The following WHRN variants were observed in gnomAD, a reference collection of about 807,000 sequenced individuals.
WHRN encodes whirlin, also known as CASK-interacting protein CIP98.
WHRN carries 41 observed loss-of-function variants against 68.3 expected under a neutral mutation model. The observed-to-expected ratio is 0.60, with a 90% confidence interval of 0.47 to 0.78. The LOEUF (loss-of-function observed/expected upper bound fraction) is 0.78, where lower values mean the gene tolerates loss of function less well. Among genes scored for constraint, WHRN ranks in the 30% least tolerant of loss-of-function variants. The pLI is 0.00. For missense variants in WHRN, 1,243 were observed against 1,244.7 expected (o/e 1.00, Z 0.02); for synonymous variants, 560 against 561.3 (o/e 1.00, Z 0.03).
intron 3 of WHRN, among the ~76,000 whole-genome samples, chr9:114,446,500 A>G (rs1838830753): frequency 6.6e-6 from 1 of 152,224 alleles, no homozygotes; most frequent in South Asian, 2.1e-4. Flanking sequence ...TTTATAGCAT[A>G]TGAATTGTAT....
intron 3 of WHRN, among the ~76,000 whole-genome samples, chr9:114,429,583 G>C (rs368079943): frequency 1.3e-5 from 2 of 152,160 alleles, no homozygotes; most frequent in African/African-American, 4.8e-5. Flanking sequence ...TGAGCTCCCC[G>C]GTTGAGAAGC....
At chr9:114,496,023 T>C (rs186057572) in intron 1 of WHRN, among the ~76,000 whole-genome samples, 3 of 152,328 alleles carry the variant, frequency 2.0e-5, no homozygotes, top group East Asian at 1.9e-4. Context: ...CCTTTTCAGA[T>C]GTAGCTCAAA....
In WHRN at chr9:114,466,298, G is replaced by A. The variant is rs146696899; in HGVS notation, c.932C>T (p.Pro311Leu). The change falls in exon 3 of 12, where the codon CCA becomes CTA. Residue 311 changes from proline (P) to leucine (L), a missense_variant. Transcript: ENST00000362057. ...CCCGCTGCCTTCTGCTTCAGAGCCTGGGTCCACGCCAGTGATGTAAATGCC... is the reference window on the plus strand; with the variant it reads ...CCCGCTGCCTTCTGCTTCAGAGCCTAGGTCCACGCCAGTGATGTAAATGCC... ...GLGIYITGVD[P>L]GSEAEGSGLK... 1 of 1,613,986 alleles carries A rather than the reference G, an allele frequency of 6.2e-7. No homozygotes were observed. The highest frequency in any genetic ancestry group is 1.3e-5 in the African/African-American group (1 of 74,940).
intron 3 of WHRN, among the ~76,000 whole-genome samples, chr9:114,448,161 G>T (rs560963031): frequency 6.6e-6 from 1 of 152,176 alleles, no homozygotes; most frequent in Non-Finnish European, 1.5e-5. Flanking sequence ...ATCTCAAAAA[G>T]AGATCATCTT....
Position 114,402,788 on chromosome 9 carries a change from T to G in WHRN, c.2690A>C (p.Asp897Ala), listed in dbSNP as rs781583583. Residue 897 changes from aspartate (D) to alanine (A), a missense_variant, in exon 12 of 12, where the codon GAC becomes GCC. Transcript: ENST00000362057. ...CACATTGAACTCAGTGACCAGAAAG[T>G]CAATGTAGTCACGGTCCTTAGTCTT... The part of the protein sequence containing the change: ...AFKTKDRDYI[D>A]FLVTEFNVML 75 of 1,613,914 alleles carry G rather than the reference T, an allele frequency of 4.6e-5. No individual in the cohort carries two copies. The South Asian group carries it at 5.4e-4, about 12-fold the overall frequency.
At chr9:114,414,850 C>T (rs902418592) in intron 7 of WHRN, among the ~76,000 whole-genome samples, 1 of 152,192 alleles carries the variant, frequency 6.6e-6, no homozygotes, top group African/African-American at 2.4e-5. Context: ...GGAGAAGACA[C>T]CTATCATCCT....
chr9:114,418,060 A>ACT (rs1000913933), intron 7 of WHRN, among the ~76,000 whole-genome samples: 4 of 151,910 alleles, frequency 2.6e-5, no homozygotes, highest in African/African-American at 7.3e-5. Flanking sequence ...TGCCCTGCGT[A>ACT]CTCTGCAGGA....
rs1041572050 is a variant in WHRN, at chr9:114,453,179, G to A, written c.963+13088C>T. ...GGCATCTGCTTCTGGTGAGGCCTCA[G>A]GAAGCTTTTACTCATGGCAGATGGT... On this transcript the variant is annotated intron_variant, in intron 3 of 11. Transcript: ENST00000362057. Among the ~76,000 whole-genome samples, 5 of 152,234 alleles carry A rather than the reference G, an allele frequency of 3.3e-5. No homozygotes were observed. The East Asian group carries it at 9.6e-4, about 29-fold the overall frequency.
chr9:114,463,581 G>A (rs1045942711), intron 3 of WHRN, among the ~76,000 whole-genome samples: 1 of 152,020 alleles, frequency 6.6e-6, no homozygotes, highest in African/African-American at 2.4e-5. Flanking sequence ...TTAGTTTCTC[G>A]GTCTTGACAA....
At chr9:114,404,172 G>A (rs1012808256) in intron 9 of WHRN, 95 bp from the exon 10 acceptor site, 2 of 1,334,610 alleles carry the variant, frequency 1.5e-6, no homozygotes, top group Non-Finnish European at 2.1e-6. Flanking sequence ...CTGGAAGGCT[G>A]GGGGAATTCC....
At chr9:114,416,612 C>T (rs199698438) in intron 7 of WHRN, among the ~76,000 whole-genome samples, 2 of 152,106 alleles carry the variant, frequency 1.3e-5, no homozygotes, top group East Asian at 1.9e-4. Context: ...TTAAGTTTCC[C>T]GAGGCCTCCC....
chr9:114,468,495 G>T (rs900126597), intron 2 of WHRN, among the ~76,000 whole-genome samples: 1 of 152,094 alleles, frequency 6.6e-6, no homozygotes, highest in Non-Finnish European at 1.5e-5. Flanking sequence ...TGTCAGGAAA[G>T]AGTCCAATAG....
intron 3 of WHRN, among the ~76,000 whole-genome samples, chr9:114,436,581 C>CA (rs1837870150): frequency 6.6e-6 from 1 of 152,160 alleles, no homozygotes; most frequent in African/African-American, 2.4e-5. Flanking sequence ...GTAATCCCAG[C>CA]ACCTTGTGGG....
At chr9:114,494,592 T>G (rs540260220) in intron 1 of WHRN, among the ~76,000 whole-genome samples, 52 of 152,282 alleles carry the variant, frequency 3.4e-4, no homozygotes, top group African/African-American at 1.2e-3. Flanking sequence ...CTGTGGGGCA[T>G]CCCTTCTCTC....
At chr9:114,479,679 A>G (rs1004692921) in intron 1 of WHRN, among the ~76,000 whole-genome samples, 3 of 152,176 alleles carry the variant, frequency 2.0e-5, no homozygotes, top group African/African-American at 7.2e-5. Flanking sequence ...ATGAAATCCA[A>G]TGGGGGAGGG....
At chr9:114,479,312 C>G (rs1368422101) in intron 1 of WHRN, among the ~76,000 whole-genome samples, 1 of 152,216 alleles carries the variant, frequency 6.6e-6, no homozygotes. Context: ...ACACCTTTGT[C>G]ACCATTTGAT....
rs111692679 is a variant in WHRN at position 114,410,405 on chromosome 9, G to C, written c.1627-2387C>G. Among the ~76,000 whole-genome samples, 1,011 of 152,350 alleles carry C rather than the reference G, an allele frequency of 6.6e-3. 14 individuals carry two copies. The highest frequency in any genetic ancestry group is 0.023 in the African/African-American group (943 of 41,578). ...TGAATGGCAGGATGGATGAATGAAT[G>C]AATCAATCACTCTAGCCATCATTGG... On this transcript the variant is annotated intron_variant, in intron 7 of 11. Coordinates refer to ENST00000362057, the MANE Select transcript of WHRN (RefSeq NM_015404.4).
chr9:114,424,850 G>A, intron 5 of WHRN, 138 bp downstream of exon 5: 1 of 992,084 alleles, frequency 1.0e-6, no homozygotes, highest in Non-Finnish European at 1.6e-6. Flanking sequence ...ACAGATAAGT[G>A]GGCTGGGGGG....
At chr9:114,473,400 C>T (rs962689566) in intron 2 of WHRN, among the ~76,000 whole-genome samples, 2 of 152,204 alleles carry the variant, frequency 1.3e-5, no homozygotes, top group African/African-American at 4.8e-5. Context: ...AGAGCCAGAG[C>T]CAGGGGACAC....
Sources: allele counts gnomAD v4.1 joint callset (sites outside exome capture counted in the v4.1 genomes callset), GRCh38; gene constraint gnomAD v4.1.1; transcripts MANE v1.5; gene names NCBI Gene and HGNC (gene_info 2026-07-23, HGNC 2026-07-21).